The following KIF6 variants were observed in gnomAD, a reference collection of about 807,000 sequenced individuals.
The protein encoded by KIF6 is kinesin-like protein KIF6.
Under a neutral mutation model 112.7 loss-of-function variants are expected in KIF6, and 106 were observed. That is an observed-to-expected ratio of 0.94 (90% CI 0.80 to 1.11). The LOEUF (loss-of-function observed/expected upper bound fraction) is 1.11, where lower values mean the gene tolerates loss of function less well. KIF6 is among the 50% of genes least tolerant of loss of function. The pLI is 0.00. For missense variants in KIF6, 929 were observed against 964.0 expected, an observed-to-expected ratio of 0.96 and a Z score of 0.48; for synonymous variants, 339 against 339.9, an observed-to-expected ratio of 1.00 and a Z score of 0.03.
chr6:39,537,142 T>C (rs1424123585), intron 13 of KIF6, among the ~76,000 whole-genome samples: 1 of 152,142 alleles, frequency 6.6e-6, no homozygotes, highest in Admixed American at 6.5e-5. Flanking sequence ...AGCATTCCCT[T>C]TGAAAACTGG....
chr6:39,593,664 C>T (rs112268971), intron 7 of KIF6, among the ~76,000 whole-genome samples: 1 of 152,160 alleles, frequency 6.6e-6, no homozygotes, highest in East Asian at 1.9e-4. Flanking sequence ...ATGTGAATGT[C>T]ATTGAGACTC....
At chr6:39,538,654 T>C (rs1469627547) in intron 13 of KIF6, among the ~76,000 whole-genome samples, 2 of 149,780 alleles carry the variant, frequency 1.3e-5, no homozygotes. Context: ...TGGAAGTCAG[T>C]GTGGCCATTC....
chr6:39,443,595 C>A (rs1772104114), intron 13 of KIF6, among the ~76,000 whole-genome samples: 1 of 151,934 alleles, frequency 6.6e-6, no homozygotes, highest in Non-Finnish European at 1.5e-5. Context: ...AAGTGTGTGC[C>A]ACCACACCTG....
chr6:39,697,796 C>T lies in KIF6; in HGVS notation c.251+16896G>A, dbSNP rs1788636138. On this transcript the variant is annotated intron_variant, in intron 3 of 22. Coordinates refer to ENST00000287152, the MANE Select transcript of KIF6 (RefSeq NM_145027.6). Reference sequence around the variant, plus strand: ...CTCCTGACCTCAGGTGATCCACCTGCCTCGGCCTCCCAAAGTGCTGGGATT... The same window carrying T: ...CTCCTGACCTCAGGTGATCCACCTGTCTCGGCCTCCCAAAGTGCTGGGATT... Among the ~76,000 whole-genome samples, 4 of 152,138 alleles carry T rather than the reference C, an allele frequency of 2.6e-5. No individual in the cohort carries two copies. The South Asian group carries it at 8.3e-4, about 32-fold the overall frequency.
chr6:39,547,941 G>T (rs1267223672), intron 10 of KIF6, among the ~76,000 whole-genome samples: 1 of 152,080 alleles, frequency 6.6e-6, no homozygotes, highest in Admixed American at 6.6e-5. Flanking sequence ...ACTTAATGAG[G>T]TTTAAAAAAT....
intron 22 of KIF6, among the ~76,000 whole-genome samples, chr6:39,337,155 T>TTTTCCTTCCTTCCTTCCTTTCTTTC (rs1554195029): frequency 1.7e-4 from 9 of 53,674 alleles, no homozygotes; most frequent in East Asian, 4.7e-4. Flanking sequence ...TTTCTCTTTC[T>TTTTCCTTCCTTCCTTCCTTTCTTTC]TTTCTTTCTT....
intron 13 of KIF6, among the ~76,000 whole-genome samples, chr6:39,480,971 T>C (rs1179104067): frequency 1.3e-5 from 2 of 152,316 alleles, no homozygotes; most frequent in East Asian, 3.9e-4. Flanking sequence ...ATCTTGCAAA[T>C]GGACTATCAA....
At chr6:39,645,364 T>C (rs962487255) in intron 3 of KIF6, among the ~76,000 whole-genome samples, 6 of 152,144 alleles carry the variant, frequency 3.9e-5, no homozygotes, top group Non-Finnish European at 7.4e-5. Flanking sequence ...AGTTTTTCCA[T>C]TTGTATTACT....
intron 3 of KIF6, among the ~76,000 whole-genome samples, chr6:39,654,784 C>T (rs1019685416): frequency 1.3e-5 from 2 of 152,150 alleles, no homozygotes; most frequent in African/African-American, 2.4e-5. Context: ...TAATATTCTA[C>T]GTATTCCTGC....
chr6:39,457,963 T>A (rs1329490723), intron 13 of KIF6, among the ~76,000 whole-genome samples: 11 of 150,674 alleles, frequency 7.3e-5, no homozygotes, highest in Non-Finnish European at 8.8e-5. Flanking sequence ...CTGGTACCAT[T>A]CCTTCTGAAA....
At chr6:39,552,900 A>G (rs961438306) in intron 10 of KIF6, among the ~76,000 whole-genome samples, 2 of 152,200 alleles carry the variant, frequency 1.3e-5, no homozygotes, top group Non-Finnish European at 2.9e-5. Context: ...CATAATTATG[A>G]TTAACTACAT....
chr6:39,420,834 C>T (rs986103898), intron 14 of KIF6, among the ~76,000 whole-genome samples: 1 of 152,042 alleles, frequency 6.6e-6, no homozygotes, highest in African/African-American at 2.4e-5. Context: ...ATAAGTCCTT[C>T]CCTGTATTAT....
chr6:39,443,557 C>T (rs564316267), intron 13 of KIF6, among the ~76,000 whole-genome samples: 1 of 152,164 alleles, frequency 6.6e-6, no homozygotes, highest in South Asian at 2.1e-4. Flanking sequence ...AATTCTTGTG[C>T]CTCAGCCTCC....
intron 5 of KIF6, chr6:39,617,603 T>G: frequency 2.4e-6 from 1 of 409,458 alleles, no homozygotes; most frequent in Non-Finnish European, 5.0e-6. Context: ...CATCATGGGT[T>G]TGTATAGTTA....
chr6:39,337,217 TTC>T (rs1235997438), intron 22 of KIF6, among the ~76,000 whole-genome samples: 2,499 of 117,910 alleles, frequency 0.021, 233 homozygotes, highest in African/African-American at 0.11. Flanking sequence ...CTTTCTTTCT[TTC>T]TTTCTTTCTT....
chr6:39,724,144 T>G (rs1790392358), intron 1 of KIF6, among the ~76,000 whole-genome samples: 1 of 152,184 alleles, frequency 6.6e-6, no homozygotes, highest in South Asian at 2.1e-4. Context: ...GAGGATGTTT[T>G]GAAATATTTA....
At chr6:39,472,852 T>C (rs887577291) in intron 13 of KIF6, among the ~76,000 whole-genome samples, 7 of 151,742 alleles carry the variant, frequency 4.6e-5, no homozygotes, top group Non-Finnish European at 8.8e-5. Flanking sequence ...AACAAAAGTG[T>C]TGTACATTTT....
chr6:39,705,180 A>G (rs558612250), intron 3 of KIF6, among the ~76,000 whole-genome samples: 1 of 152,320 alleles, frequency 6.6e-6, no homozygotes. Context: ...CTCAAACCTT[A>G]GTGTGCATCA....
At chr6:39,587,395 A>G (rs866602030) in intron 7 of KIF6, among the ~76,000 whole-genome samples, 10 of 152,166 alleles carry the variant, frequency 6.6e-5, no homozygotes, top group African/African-American at 4.8e-5. Context: ...TTTGGTTTAC[A>G]AAACGAAAAG....
Sources: allele counts gnomAD v4.1 joint callset (sites outside exome capture counted in the v4.1 genomes callset), GRCh38; gene constraint gnomAD v4.1.1; transcripts MANE v1.5; gene names NCBI Gene and HGNC (gene_info 2026-07-23, HGNC 2026-07-21).